STXBP4: variants seen among roughly 807,000 people sequenced by gnomAD.
STXBP4 encodes syntaxin-binding protein 4.
STXBP4 carries 55 observed loss-of-function variants against 76.1 expected under a neutral mutation model. The ratio of observed to expected loss-of-function variants is 0.72; its 90% CI spans 0.58 to 0.91. The LOEUF is 0.91. Ranked by LOEUF, STXBP4 falls within the 40% of genes least tolerant of loss-of-function variation. STXBP4 has a pLI of 0.00. For missense variants in STXBP4, 618 were observed against 636.9 expected (o/e 0.97, Z 0.32); for synonymous variants, 201 against 220.2 (o/e 0.91, Z 0.77).
intron 6 of STXBP4, 119 bp downstream of exon 6, chr17:54,999,961 C>A: frequency 1.2e-6 from 1 of 830,292 alleles, no homozygotes; most frequent in South Asian, 2.1e-5. Flanking sequence ...ATTAATATTT[C>A]TTTGAAAGAT....
In STXBP4 at chr17:55,035,330, A is replaced by G. The variant is rs980927518; in HGVS notation, c.855+1071A>G. 3.3e-5 allele frequency among the ~76,000 whole-genome samples: 5 copies of G among 151,926 alleles called. No homozygotes were observed. In the East Asian group the frequency reaches 7.7e-4, roughly 23 times the overall value. On this transcript the variant is annotated intron_variant, in intron 10 of 17. Transcript: ENST00000376352. ...TACAATTCTTTTAAATGTTACCAGT[A>G]GAATATAAATACTACAGTATTTTAT...
chr17:55,181,742 T>C, the STXBP4 span, among the ~76,000 whole-genome samples: 54 of 152,220 alleles, frequency 3.5e-4, no homozygotes, highest in African/African-American at 1.2e-3. Context: ...TGGAAACCAA[T>C]AGAGATAAGT....
chr17:55,094,553 C>G (rs2144984980), intron 16 of STXBP4, among the ~76,000 whole-genome samples: 1 of 152,176 alleles, frequency 6.6e-6, no homozygotes, highest in Admixed American at 6.5e-5. Context: ...TTTGGAACGC[C>G]TGAAATTCGG....
chr17:55,142,883 A>G (rs145516931), intron 17 of STXBP4, among the ~76,000 whole-genome samples: 1 of 152,086 alleles, frequency 6.6e-6, no homozygotes, highest in African/African-American at 2.4e-5. Flanking sequence ...TTAGTGCCAC[A>G]CTCTTTACTT....
At chr17:55,117,414 C>G (rs945175860) in intron 16 of STXBP4, among the ~76,000 whole-genome samples, 1 of 151,690 alleles carries the variant, frequency 6.6e-6, no homozygotes, top group Non-Finnish European at 1.5e-5. Context: ...GACCGAAGGT[C>G]TTAGGCAACC....
At chr17:55,098,880 G>A (rs1336617776) in intron 16 of STXBP4, among the ~76,000 whole-genome samples, 3 of 152,050 alleles carry the variant, frequency 2.0e-5, no homozygotes, top group Non-Finnish European at 1.5e-5. Context: ...GATCTTGAAC[G>A]TCTTCTTTAC....
chr17:55,203,001 A>G, the STXBP4 span, among the ~76,000 whole-genome samples: 1 of 152,188 alleles, frequency 6.6e-6, no homozygotes, highest in Non-Finnish European at 1.5e-5. Flanking sequence ...AACTGGAGCA[A>G]TATTTTTCTA....
chr17:54,999,017 G>A (rs1351533729), intron 4 of STXBP4, among the ~76,000 whole-genome samples: 1 of 152,088 alleles, frequency 6.6e-6, no homozygotes. Context: ...TTATCACAGA[G>A]TCAGAGCTTT....
chr17:55,189,616 A>G, the STXBP4 span, among the ~76,000 whole-genome samples: 6 of 152,344 alleles, frequency 3.9e-5, no homozygotes, highest in South Asian at 1.2e-3. Context: ...TGAAAGAGTG[A>G]AGGCTGAGTT....
intron 10 of STXBP4, among the ~76,000 whole-genome samples, chr17:55,034,884 A>G (rs550498383): frequency 5.9e-5 from 9 of 152,152 alleles, no homozygotes; most frequent in Admixed American, 2.0e-4. Context: ...CATGTGTTCT[A>G]TAGAAGTTTG....
chr17:55,125,930 G>T (rs542631072), intron 16 of STXBP4, among the ~76,000 whole-genome samples: 24 of 152,130 alleles, frequency 1.6e-4, no homozygotes, highest in Middle Eastern at 3.2e-3. Context: ...CCCAAATTCT[G>T]CATATAAACT....
intron 1 of STXBP4, among the ~76,000 whole-genome samples, chr17:54,979,442 T>C (rs1357143588): frequency 6.6e-6 from 1 of 152,156 alleles, no homozygotes; most frequent in Non-Finnish European, 1.5e-5. Context: ...AGCAATTAAA[T>C]CTCTCCTTTA....
the STXBP4 span, among the ~76,000 whole-genome samples, chr17:55,190,053 A>T: frequency 2.6e-5 from 4 of 152,210 alleles, no homozygotes; most frequent in Non-Finnish European, 5.9e-5. Flanking sequence ...CGGGGAAAAA[A>T]TTGGCTAGAT....
intron 17 of STXBP4, among the ~76,000 whole-genome samples, chr17:55,146,645 A>T (rs969297501): frequency 4.0e-5 from 6 of 151,578 alleles, no homozygotes; most frequent in Non-Finnish European, 8.8e-5. Flanking sequence ...TGTACCCGGG[A>T]GGCGGAGTTT....
Position 54,971,417 on chromosome 17 carries a change from A to G in STXBP4, c.-157+2602A>G, listed in dbSNP as rs539072546. Among the ~76,000 whole-genome samples the G allele has an allele frequency of 1.6e-4, 25 of 152,330 alleles. No homozygotes were observed. The East Asian group carries it at 4.8e-3, about 29-fold the overall frequency. On this transcript the variant is annotated intron_variant, in intron 1 of 17. Transcript: ENST00000376352. ...GTGAGGGGTCTCCCTGGCTTGTGAC[A>G]TCTACCATCTTGCTGTGGCCTTACA...
At chr17:55,109,595 G>C (rs2079685429) in intron 16 of STXBP4, among the ~76,000 whole-genome samples, 1 of 148,472 alleles carries the variant, frequency 6.7e-6, no homozygotes, top group African/African-American at 2.5e-5. Flanking sequence ...TCCTATTGCT[G>C]CTGTACCAAA....
intron 1 of STXBP4, among the ~76,000 whole-genome samples, chr17:54,980,541 C>G (rs1179856348): frequency 6.6e-6 from 1 of 152,224 alleles, no homozygotes; most frequent in Non-Finnish European, 1.5e-5. Context: ...GCGCTGGTTA[C>G]AGAATATTCT....
chr17:54,981,478 G>C (rs1024741472), intron 1 of STXBP4, among the ~76,000 whole-genome samples: 17 of 152,094 alleles, frequency 1.1e-4, no homozygotes, highest in African/African-American at 4.1e-4. Context: ...CAAAATGGTG[G>C]GGAAAAGATT....
chr17:55,193,057 C>T, the STXBP4 span, among the ~76,000 whole-genome samples: 1 of 152,144 alleles, frequency 6.6e-6, no homozygotes. Flanking sequence ...AAAAGAGAAA[C>T]ATGACTTTGG....
Sources: gnomAD v4.1 joint callset for allele counts (sites outside exome capture counted in the v4.1 genomes callset) on GRCh38, gnomAD v4.1.1 for gene constraint, MANE v1.5 for transcripts, NCBI Gene and HGNC (gene_info 2026-07-23, HGNC 2026-07-21) for gene names.